MTSS1: variants seen among roughly 807,000 people sequenced by gnomAD.
MTSS1 encodes protein MTSS 1.
MTSS1 carries 18 observed loss-of-function variants against 79.0 expected under a neutral mutation model. That is an observed-to-expected ratio of 0.23 (90% CI 0.16 to 0.34). The LOEUF is 0.34. Ranked by LOEUF, MTSS1 falls within the 10% of genes least tolerant of loss-of-function variation. MTSS1 has a pLI of 1.00. For missense variants in MTSS1, 815 were observed against 986.2 expected, an observed-to-expected ratio of 0.83 and a Z score of 2.33; for synonymous variants, 341 against 368.6, an observed-to-expected ratio of 0.93 and a Z score of 0.86.
intron 6 of MTSS1, among the ~76,000 whole-genome samples, chr8:124,574,107 A>G (rs991166080): frequency 6.6e-6 from 1 of 151,970 alleles, no homozygotes; most frequent in Non-Finnish European, 1.5e-5. Flanking sequence ...AGTATGTCCG[A>G]CTAATTTTTG....
intron 3 of MTSS1, among the ~76,000 whole-genome samples, chr8:124,632,377 G>A (rs975134248): frequency 6.7e-6 from 1 of 150,018 alleles, no homozygotes; most frequent in African/African-American, 2.5e-5. Flanking sequence ...GGCTGGGCAT[G>A]GTGGCTCACA....
intron 10 of MTSS1, among the ~76,000 whole-genome samples, chr8:124,560,576 A>C (rs34263543): frequency 0.067 from 10,184 of 152,232 alleles, 443 homozygotes; most frequent in East Asian, 0.19. Flanking sequence ...GCCTGAATCC[A>C]GGAGTTCAAG....
rs967753823 is a variant in MTSS1 at position 124,635,735 on chromosome 8, G to A, written c.209-44500C>T. Among the ~76,000 whole-genome samples, 3 of 152,224 alleles carry A rather than the reference G, an allele frequency of 2.0e-5. No homozygotes were observed. In the East Asian group the frequency reaches 5.8e-4, roughly 29 times the overall value. ...GAGCTCAATCACTGGTTGTGTGAGTGTCCTGAGCTGTTATTCTCTCTGAAG... is the reference window on the plus strand; with the variant it reads ...GAGCTCAATCACTGGTTGTGTGAGTATCCTGAGCTGTTATTCTCTCTGAAG... On this transcript the variant is annotated intron_variant, in intron 3 of 13. Transcript: ENST00000518547.
intron 2 of MTSS1, among the ~76,000 whole-genome samples, chr8:124,701,181 G>A (rs1406027118): frequency 1.3e-5 from 2 of 152,178 alleles, no homozygotes; most frequent in African/African-American, 2.4e-5. Context: ...AGGGTGCAGT[G>A]AGCCATGGCT....
chr8:124,711,542 A>G (rs1346688375), intron 1 of MTSS1, among the ~76,000 whole-genome samples: 4 of 152,192 alleles, frequency 2.6e-5, no homozygotes, highest in African/African-American at 9.6e-5. Flanking sequence ...AGAGTGGCTT[A>G]GACAGCAGGT....
chr8:124,579,294 C>G (rs1177370762), intron 6 of MTSS1, among the ~76,000 whole-genome samples: 2 of 152,138 alleles, frequency 1.3e-5, no homozygotes, highest in Non-Finnish European at 2.9e-5. Context: ...TATAAAATGT[C>G]CAGAATAGGC....
intron 3 of MTSS1, among the ~76,000 whole-genome samples, chr8:124,651,599 G>A (rs1421904253): frequency 2.0e-5 from 3 of 152,154 alleles, no homozygotes; most frequent in Non-Finnish European, 4.4e-5. Context: ...CCACAGACCA[G>A]ATAAAGAGCT....
At chr8:124,652,081 T>C (rs1479584402) in intron 3 of MTSS1, among the ~76,000 whole-genome samples, 1 of 152,242 alleles carries the variant, frequency 6.6e-6, no homozygotes, top group Non-Finnish European at 1.5e-5. Flanking sequence ...TCCCTTCTCC[T>C]AATCCTCCCT....
chr8:124,699,905 G>A (rs1829456011), intron 2 of MTSS1, among the ~76,000 whole-genome samples: 1 of 152,172 alleles, frequency 6.6e-6, no homozygotes, highest in Non-Finnish European at 1.5e-5. Context: ...CTGGCACTTT[G>A]GGAGGCTGAG....
intron 1 of MTSS1, among the ~76,000 whole-genome samples, chr8:124,712,688 C>T (rs188679084): frequency 4.6e-5 from 7 of 152,298 alleles, no homozygotes; most frequent in African/African-American, 1.7e-4. Context: ...TATCCCTGTC[C>T]ATCAAGCGGA....
chr8:124,580,425 C>T lies in MTSS1; in HGVS notation c.460+4662G>A. 5.1e-6 allele frequency: 5 copies of T among 977,168 alleles called. No individual in the cohort carries two copies. The South Asian group carries it at 7.3e-5, about 14-fold the overall frequency. 60.5% of individuals were successfully genotyped at this position (977,168 alleles called of 1,614,324 possible). A position where few individuals can be genotyped will look rare whatever the true frequency, so the allele number is the denominator to read the frequency against. On this transcript the variant is annotated intron_variant, in intron 6 of 13. Transcript: ENST00000518547. ...TTAAAGTTGTGGAAAATTAGGTAGG[C>T]ACAGTTGATTGTTTTGAGCTGGTAG... is the stretch of plus-strand genomic sequence containing the variant.
chr8:124,684,169 T>C lies in MTSS1; in HGVS notation c.208+15357A>G, dbSNP rs940643189. ...CATTCCTTTTAAGCTTCTTATTTTT[T>C]AGTGTCTGATACCACGGCCATTAAA... On this transcript the variant is annotated intron_variant, in intron 3 of 13. Coordinates refer to ENST00000518547, the MANE Select transcript of MTSS1 (RefSeq NM_014751.6). Among the ~76,000 whole-genome samples the C allele has an allele frequency of 1.1e-4, 17 of 152,336 alleles. No homozygotes were observed. The East Asian group carries it at 3.3e-3, about 29-fold the overall frequency.
At chr8:124,664,982 T>A (rs1287520288) in intron 3 of MTSS1, among the ~76,000 whole-genome samples, 1 of 152,232 alleles carries the variant, frequency 6.6e-6, no homozygotes, top group Non-Finnish European at 1.5e-5. Flanking sequence ...ATTTTTTTTT[T>A]CCTTAGTGCT....
chr8:124,565,782 G>A, intron 8 of MTSS1, 23 bp from the exon 9 acceptor site: 2 of 1,570,780 alleles, frequency 1.3e-6, no homozygotes, highest in South Asian at 1.1e-5. Context: ...AGCCAGCTGG[G>A]TGAATGAGGT....
Position 124,727,785 on chromosome 8 carries a change from C to T in MTSS1, c.72+99G>A. The T allele has an allele frequency of 9.1e-7, 1 of 1,093,244 alleles. No homozygotes were observed. The allele number at this position is 1,093,244 out of a possible 1,614,324, so 67.7% of individuals were successfully genotyped here. On this transcript the variant is annotated intron_variant, in intron 1 of 13. Coordinates refer to ENST00000518547, the MANE Select transcript of MTSS1 (RefSeq NM_014751.6). The surrounding 1 kb of genome is among the most constrained non-coding windows in gnomAD (Gnocchi z 4.7). ...CCGCAGGTGGCCGGTGGCCACACTGCAGGGAAGGGCCGGGTGCCCGGCCCG... is the reference window on the plus strand; with the variant it reads ...CCGCAGGTGGCCGGTGGCCACACTGTAGGGAAGGGCCGGGTGCCCGGCCCG...
At chr8:124,687,221 T>G (rs1464538698) in intron 3 of MTSS1, among the ~76,000 whole-genome samples, 1 of 152,178 alleles carries the variant, frequency 6.6e-6, no homozygotes, top group African/African-American at 2.4e-5. Context: ...CAGGAGTCCA[T>G]ATGCCTGCAT....
At position 124,599,231 on chromosome 8, in the gene MTSS1, C is replaced by T. The variant is rs550159541; in HGVS notation, c.209-7996G>A. Among the ~76,000 whole-genome samples the T allele has an allele frequency of 1.5e-4, 11 of 74,898 alleles. No individual in the cohort carries two copies. The South Asian group carries it at 3.0e-3, about 21-fold the overall frequency. The allele number at this position is 74,898 out of a possible 152,430, so 49.1% of individuals were successfully genotyped here. A position where few individuals can be genotyped will look rare whatever the true frequency, so the allele number is the denominator to read the frequency against. ...GGTGCGGTGGCTCACGCCTGTAATC[C>T]CCAACACTTTGGGAGGCCGAGGCGG... is the stretch of plus-strand genomic sequence containing the variant. On this transcript the variant is annotated intron_variant, in intron 3 of 13. Transcript: ENST00000518547.
chr8:124,588,627 A>C lies in MTSS1; in HGVS notation c.385+993T>G, dbSNP rs974897072. On this transcript the variant is annotated intron_variant, in intron 5 of 13. Transcript: ENST00000518547. ...TGGGCAGGAGACCTAGGGTAAGCTT[A>C]TATCATTAAAAGTCTGGCTTTCAAA... is the stretch of plus-strand genomic sequence containing the variant. Among the ~76,000 whole-genome samples the C allele has an allele frequency of 2.6e-5, 4 of 152,218 alleles. No individual in the cohort carries two copies. The South Asian group carries it at 8.3e-4, about 31-fold the overall frequency.
chr8:124,663,959 G>A (rs190157065), intron 3 of MTSS1, among the ~76,000 whole-genome samples: 1 of 152,298 alleles, frequency 6.6e-6, no homozygotes, highest in Non-Finnish European at 1.5e-5. Flanking sequence ...TAAAAACCCG[G>A]GATGGACTGG....
Sources: gnomAD v4.1 joint callset for allele counts (sites outside exome capture counted in the v4.1 genomes callset) on GRCh38, gnomAD v4.1.1 for gene constraint, Gnocchi (gnomAD v3.1) non-coding constraint, MANE v1.5 for transcripts, NCBI Gene and HGNC (gene_info 2026-07-23, HGNC 2026-07-21) for gene names.